DNAJC7: variants seen among roughly 807,000 people sequenced by gnomAD.
DNAJC7 encodes the protein DnaJ heat shock protein family (Hsp40) member C7, also known as dnaJ homolog subfamily C member 7.
In DNAJC7, 18 loss-of-function variants were observed where a neutral mutation model predicts 67.4. The ratio of observed to expected loss-of-function variants is 0.27; its 90% CI spans 0.18 to 0.40. DNAJC7 has a LOEUF of 0.40. DNAJC7 is among the 10% of genes least tolerant of loss of function. The probability of loss-of-function intolerance (pLI) is 1.00; values close to 1 mark genes in which losing one functional copy is unlikely to be tolerated. For missense variants in DNAJC7, 419 were observed against 613.8 expected (o/e 0.68, Z 3.35); for synonymous variants, 220 against 207.8 (o/e 1.06, Z -0.50).
At chr17:41,992,297 T>C (rs1567960786) in intron 5 of DNAJC7, among the ~76,000 whole-genome samples, 1 of 152,144 alleles carries the variant, frequency 6.6e-6, no homozygotes, top group Admixed American at 6.5e-5. Flanking sequence ...CTTTGCCCTC[T>C]GAGTAGCTGG....
intron 1 of DNAJC7, among the ~76,000 whole-genome samples, chr17:42,005,765 A>G (rs1389323242): frequency 1.3e-5 from 2 of 151,762 alleles, no homozygotes; most frequent in Non-Finnish European, 2.9e-5. Context: ...TTTTGAGACG[A>G]AGTCTGGCTC....
intron 4 of DNAJC7, among the ~76,000 whole-genome samples, chr17:41,995,699 C>T (rs1334287863): frequency 6.6e-6 from 1 of 152,230 alleles, no homozygotes; most frequent in Non-Finnish European, 1.5e-5. Flanking sequence ...ATGACAAAAT[C>T]ACCTAACAAA....
At position 41,979,320 on chromosome 17, in the gene DNAJC7, C is replaced by CA. The variant is rs202026146; in HGVS notation, c.1385-1998dup. Among the ~76,000 whole-genome samples the CA allele has an allele frequency of 8.0e-5, 12 of 150,650 alleles. No homozygotes were observed. The East Asian group carries it at 1.4e-3, about 17-fold the overall frequency. The stretch of plus-strand genomic sequence containing the variant: ...CACCACTGCACACCAGCCTGGGTGA[C>CA]AGAGTAAGACCATGTCTCAAAAACA... On this transcript the variant is annotated intron_variant, in intron 12 of 13. Coordinates refer to ENST00000457167, the MANE Select transcript of DNAJC7 (RefSeq NM_003315.4).
intron 12 of DNAJC7, among the ~76,000 whole-genome samples, chr17:41,979,459 G>A (rs1431543818): frequency 2.7e-5 from 4 of 150,248 alleles, no homozygotes; most frequent in South Asian, 2.1e-4. Context: ...ATCACTTGCG[G>A]TCAGGAGTTC....
chr17:41,991,183 T>A (rs1555647728), intron 5 of DNAJC7, among the ~76,000 whole-genome samples: 2 of 152,210 alleles, frequency 1.3e-5, no homozygotes, highest in African/African-American at 4.8e-5. Flanking sequence ...TATTTATTCC[T>A]GGGAGAGCCT....
chr17:42,004,521 C>T (rs1555649896), intron 1 of DNAJC7, among the ~76,000 whole-genome samples: 1 of 152,172 alleles, frequency 6.6e-6, no homozygotes, highest in Admixed American at 6.5e-5. Flanking sequence ...ATGACTCCAC[C>T]TCCACCAATC....
Position 42,017,326 on chromosome 17 carries a change from T to G in DNAJC7, c.77+14A>C. The G allele has an allele frequency of 6.2e-7, 1 of 1,611,524 alleles. No homozygotes were observed. The highest frequency in any genetic ancestry group is 8.5e-7 in the Non-Finnish European group (1 of 1,179,864). Reference sequence around the variant, plus strand: ...CTGCAGGTCGCCTCCTCTACTACCCTGCTACCCGGTTACCTCTTCGCCTCT... The same window carrying G: ...CTGCAGGTCGCCTCCTCTACTACCCGGCTACCCGGTTACCTCTTCGCCTCT... On this transcript the variant is annotated intron_variant, in intron 1 of 13. Coordinates refer to ENST00000457167, the MANE Select transcript of DNAJC7 (RefSeq NM_003315.4).
chr17:41,988,986 T>C, intron 7 of DNAJC7, 90 bp from the exon 8 acceptor site: 2 of 1,499,172 alleles, frequency 1.3e-6, no homozygotes, highest in Non-Finnish European at 1.8e-6. Context: ...TCAAGTTCTT[T>C]GCTTCCAGCA....
chr17:42,010,281 C>T (rs1417932227), intron 1 of DNAJC7, among the ~76,000 whole-genome samples: 2 of 147,172 alleles, frequency 1.4e-5, no homozygotes, highest in African/African-American at 5.0e-5. Flanking sequence ...GTCGGGAGTT[C>T]GAGACCAGAC....
Position 41,976,677 on chromosome 17 carries a change from T to G in DNAJC7, c.*56A>C. 5 of 1,596,490 alleles carry G rather than the reference T, an allele frequency of 3.1e-6. No individual in the cohort carries two copies. In the Admixed American group the frequency reaches 7.2e-5, roughly 23 times the overall value. ...AGGGAGGAGGTGAACTGTTTCCACA[T>G]TCAAGATTAAACTGAGTGAATCTGC... is the stretch of plus-strand genomic sequence containing the variant. On this transcript the variant is annotated 3_prime_UTR_variant, in exon 14 of 14. Transcript: ENST00000457167.
At chr17:42,012,415 G>A (rs970718472) in intron 1 of DNAJC7, among the ~76,000 whole-genome samples, 4 of 152,148 alleles carry the variant, frequency 2.6e-5, no homozygotes, top group Non-Finnish European at 5.9e-5. Flanking sequence ...CCCAGGAGGC[G>A]GAGTTTGCAG....
At chr17:42,005,131 A>C (rs541239136) in intron 1 of DNAJC7, among the ~76,000 whole-genome samples, 1 of 152,352 alleles carries the variant, frequency 6.6e-6, no homozygotes, top group South Asian at 2.1e-4. Flanking sequence ...TAGTTACATT[A>C]TCTCTCTCAA....
intron 1 of DNAJC7, among the ~76,000 whole-genome samples, chr17:42,007,838 C>CT (rs140104313): frequency 7.6e-4 from 34 of 44,520 alleles, no homozygotes; most frequent in East Asian, 2.6e-3. Flanking sequence ...AAAAAACTGC[C>CT]TTTTTTTTTT....
chr17:41,996,382 C>A lies in DNAJC7; in HGVS notation c.334G>T (p.Ala112Ser). Reference sequence around the variant, plus strand: ...TGGAAGCTGCGACATGCTGCCATGGCATTCCCCAGAGAGAGGTGGCACTTG... The same window carrying A: ...TGGAAGCTGCGACATGCTGCCATGGAATTCCCCAGAGAGAGGTGGCACTTG... ...EGKCHLSLGN[A>S]MAACRSFQRA... is the part of the protein sequence containing the mutation. Residue 112 changes from alanine (A) to serine (S), a missense_variant, in exon 4 of 14, where the codon GCC (alanine) becomes TCC (serine). This residue lies in a region of DNAJC7 where 179 missense variants were observed against 249.7 expected (regional missense o/e 0.72). Coordinates refer to ENST00000457167, the MANE Select transcript of DNAJC7 (RefSeq NM_003315.4). 1 of 1,614,022 alleles carries A rather than the reference C, an allele frequency of 6.2e-7. No homozygotes were observed. Among genetic ancestry groups the A allele is most frequent in the South Asian group, 1.1e-5 (1 of 91,078 alleles).
At chr17:41,979,065 G>A (rs2051171111) in intron 12 of DNAJC7, among the ~76,000 whole-genome samples, 1 of 152,226 alleles carries the variant, frequency 6.6e-6, no homozygotes, top group South Asian at 2.1e-4. Flanking sequence ...CCGGCTGGGT[G>A]CGGTGGCTCA....
intron 9 of DNAJC7, chr17:41,985,477 A>G (rs1555646626): frequency 2.0e-5 from 3 of 151,994 alleles, no homozygotes; most frequent in African/African-American, 7.2e-5. Context: ...GAATGATGTG[A>G]CAAATGATTA....
intron 1 of DNAJC7, among the ~76,000 whole-genome samples, chr17:42,007,541 T>C (rs1555650538): frequency 6.6e-6 from 1 of 152,152 alleles, no homozygotes; most frequent in African/African-American, 2.4e-5. Context: ...TTCTTTTTTT[T>C]TGGAGACAGT....
chr17:42,007,113 AG>A (rs1555650467), intron 1 of DNAJC7, among the ~76,000 whole-genome samples: 1 of 151,940 alleles, frequency 6.6e-6, no homozygotes, highest in African/African-American at 2.4e-5. Flanking sequence ...AAAAAAAAAA[AG>A]AAAAAGAAAA....
intron 2 of DNAJC7, among the ~76,000 whole-genome samples, chr17:41,999,141 G>C (rs143691049): frequency 6.6e-6 from 1 of 151,622 alleles, no homozygotes; most frequent in Admixed American, 6.6e-5. Context: ...GGAGTGCAGC[G>C]ACGTGATCTT....
Sources: allele counts gnomAD v4.1 joint callset (sites outside exome capture counted in the v4.1 genomes callset), GRCh38; gene constraint gnomAD v4.1.1; regional missense constraint gnomAD v4.1.1; transcripts MANE v1.5; gene names NCBI Gene and HGNC (gene_info 2026-07-23, HGNC 2026-07-21).